Variants in TMEM245 observed in about 807,000 individuals in gnomAD.
TMEM245 encodes protein CG-2.
A neutral mutation model predicts 101.2 loss-of-function variants in TMEM245; 69 were observed. The observed-to-expected ratio is 0.68, with a 90% CI of 0.56 to 0.83. The LOEUF (loss-of-function observed/expected upper bound fraction) is 0.83, where lower values mean the gene tolerates loss of function less well. Among genes scored for constraint, TMEM245 ranks in the 40% least tolerant of loss-of-function variants. The pLI, the probability that TMEM245 is intolerant of heterozygous loss-of-function variation, is 0.00. For synonymous variants in TMEM245, 537 were observed against 449.8 expected, an observed-to-expected ratio of 1.19 and a Z score of -2.45; for missense variants, 1,075 against 1,092.8, an observed-to-expected ratio of 0.98 and a Z score of 0.23.
Position 109,015,299 on chromosome 9 carries a change from T to C in TMEM245, c.*5161A>G, listed in dbSNP as rs557740405. 6.6e-6 allele frequency: 1 copy of C among 152,342 alleles called. No individual in the cohort carries two copies. The highest frequency in any genetic ancestry group is 6.5e-5 in the Admixed American group (1 of 15,306). The allele number at this position is 152,342 out of a possible 1,614,324, so 9.4% of individuals were successfully genotyped here. Reference sequence around the variant, plus strand: ...TTTATTGTATTCGAATATTCTTTTTTACTTTTGAATTGCCTCCTTCACCTG... The same window carrying C: ...TTTATTGTATTCGAATATTCTTTTTCACTTTTGAATTGCCTCCTTCACCTG... On this transcript the variant is annotated 3_prime_UTR_variant, in exon 18 of 18. Coordinates refer to ENST00000374586, the MANE Select transcript of TMEM245 (RefSeq NM_032012.4).
At chr9:109,042,205 ACT>A (rs1405495126) in intron 14 of TMEM245, among the ~76,000 whole-genome samples, 1 of 152,170 alleles carries the variant, frequency 6.6e-6, no homozygotes, top group African/African-American at 2.4e-5. Flanking sequence ...ATATAACTGT[ACT>A]TGGCATGTAG....
rs1247335686 is a variant in TMEM245 at position 109,019,179 on chromosome 9, C to A, written c.*1281G>T. On this transcript the variant is annotated 3_prime_UTR_variant, in exon 18 of 18. Coordinates refer to ENST00000374586, the MANE Select transcript of TMEM245 (RefSeq NM_032012.4). ...CCCTGTCATGTACTATAGGACAAGT[C>A]TTCATTCACAACAAATGGATAGCAA... The A allele has an allele frequency of 6.6e-6, 1 of 152,256 alleles. No homozygotes were observed. The highest frequency in any genetic ancestry group is 1.9e-4 in the East Asian group (1 of 5,176). The allele number at this position is 152,256 out of a possible 1,614,324, so 9.4% of individuals were successfully genotyped here.
intron 4 of TMEM245, 79 bp downstream of exon 4, chr9:109,093,396 T>C: frequency 8.5e-7 from 1 of 1,180,908 alleles, no homozygotes; most frequent in South Asian, 1.3e-5. Flanking sequence ...CATTTTGTGA[T>C]GCTGGTGTCC....
chr9:109,093,375 G>A, intron 4 of TMEM245, 100 bp downstream of exon 4: 1 of 918,070 alleles, frequency 1.1e-6, no homozygotes, highest in Non-Finnish European at 1.7e-6. Flanking sequence ...AGGATCAGCA[G>A]GAGTAAGTAG....
intron 5 of TMEM245, among the ~76,000 whole-genome samples, chr9:109,089,844 C>T (rs1829946977): frequency 6.6e-6 from 1 of 152,134 alleles, no homozygotes; most frequent in Non-Finnish European, 1.5e-5. Flanking sequence ...TATAGATATA[C>T]ATGTAATTTA....
Position 109,119,559 on chromosome 9 carries a change from TG to T in TMEM245, c.354del (p.Ile119SerfsTer85). The part of the protein sequence containing the change: ...WLQRLHRAHT[P>X]IVLAALLLPL... ...GGCAGGAGCAGCGCGGCCAGGACGA[TG>T]GGCGTGTGCGCGCGGTGCAGGCGCT... On this transcript the variant is annotated frameshift_variant, in exon 1 of 18. Transcript: ENST00000374586. LOFTEE classifies it high-confidence loss of function. 1.3e-6 allele frequency: 2 copies of T among 1,538,098 alleles called. No individual in the cohort carries two copies. The highest frequency in any genetic ancestry group is 1.7e-6 in the Non-Finnish European group (2 of 1,147,102).
intron 3 of TMEM245, among the ~76,000 whole-genome samples, chr9:109,100,149 T>C (rs1830246616): frequency 6.6e-6 from 1 of 152,156 alleles, no homozygotes; most frequent in Non-Finnish European, 1.5e-5. Context: ...GGTCATGTAG[T>C]TGTGTTAAGT....
At chr9:109,116,188 T>C (rs895106170) in intron 1 of TMEM245, among the ~76,000 whole-genome samples, 1 of 152,224 alleles carries the variant, frequency 6.6e-6, no homozygotes, top group African/African-American at 2.4e-5. Context: ...TCATCTATAC[T>C]GCTCTTCAGC....
chr9:109,091,791 G>A (rs1020454032), intron 4 of TMEM245, among the ~76,000 whole-genome samples: 1 of 151,778 alleles, frequency 6.6e-6, no homozygotes, highest in Non-Finnish European at 1.5e-5. Context: ...TTTACTATAG[G>A]GTGCTATTAT....
intron 14 of TMEM245, 52 bp from the exon 15 acceptor site, chr9:109,038,169 G>T: frequency 7.0e-7 from 1 of 1,437,028 alleles, no homozygotes; most frequent in Non-Finnish European, 9.5e-7. Flanking sequence ...GTCATATCGT[G>T]ATTCAGAAAA....
chr9:109,017,402 G>T lies in TMEM245; in HGVS notation c.*3058C>A, dbSNP rs1370799157. 2.0e-5 allele frequency: 3 copies of T among 152,164 alleles called. No individual in the cohort carries two copies. The highest frequency in any genetic ancestry group is 6.5e-5 in the Admixed American group (1 of 15,270). 9.4% of individuals were successfully genotyped at this position (152,164 alleles called of 1,614,324 possible). A position where few individuals can be genotyped will look rare whatever the true frequency, so the allele number is the denominator to read the frequency against. ...ATAACTAAGACCAGCATGTAAGGTGGTCTTACAGAGATCACTTGCAGGAAC... is the reference window on the plus strand; with the variant it reads ...ATAACTAAGACCAGCATGTAAGGTGTTCTTACAGAGATCACTTGCAGGAAC... On this transcript the variant is annotated 3_prime_UTR_variant, in exon 18 of 18. Transcript: ENST00000374586.
intron 7 of TMEM245, among the ~76,000 whole-genome samples, chr9:109,083,161 A>G (rs1829717611): frequency 6.6e-6 from 1 of 152,162 alleles, no homozygotes. Flanking sequence ...TAAGGACGAA[A>G]AGAGGAAAAA....
At chr9:109,098,850 T>A (rs1830209841) in intron 3 of TMEM245, among the ~76,000 whole-genome samples, 1 of 152,148 alleles carries the variant, frequency 6.6e-6, no homozygotes, top group Admixed American at 6.5e-5. Flanking sequence ...GCTACTGACA[T>A]TAGCAGCCTA....
At position 109,084,036 on chromosome 9, in the gene TMEM245, G is replaced by A. The variant is rs563554573; in HGVS notation, c.1344+1961C>T. 3.4e-5 allele frequency among the ~76,000 whole-genome samples: 5 copies of A among 148,760 alleles called. No individual in the cohort carries two copies. In the South Asian group the frequency reaches 8.5e-4, roughly 25 times the overall value. The stretch of plus-strand genomic sequence containing the variant: ...AGGTTGTGTAGTGAGTCAAGATCAC[G>A]TCGCTGCACTCCAGCCTGGGTGACA... On this transcript the variant is annotated intron_variant, in intron 7 of 17. Coordinates refer to ENST00000374586, the MANE Select transcript of TMEM245 (RefSeq NM_032012.4).
At chr9:109,076,635 TATTTGGAC>T (rs921300459) in intron 8 of TMEM245, among the ~76,000 whole-genome samples, 2 of 152,238 alleles carry the variant, frequency 1.3e-5, no homozygotes, top group African/African-American at 4.8e-5. Context: ...AATTTCTAAA[TATTTGGAC>T]ATTCCCTAAA....
In TMEM245 at chr9:109,079,923, T is replaced by C. The variant is rs1039375701; in HGVS notation, c.1449+916A>G. Among the ~76,000 whole-genome samples the C allele has an allele frequency of 5.3e-5, 8 of 152,146 alleles. No homozygotes were observed. In the South Asian group the frequency reaches 8.3e-4, roughly 16 times the overall value. On this transcript the variant is annotated intron_variant, in intron 8 of 17. Transcript: ENST00000374586. ...ACATAATTAATATCCAAAGAACAGA[T>C]AGGAACTATACAAAGACTGAAACAG...
intron 5 of TMEM245, among the ~76,000 whole-genome samples, chr9:109,089,649 A>G (rs1182527627): frequency 6.6e-6 from 1 of 152,184 alleles, no homozygotes; most frequent in African/African-American, 2.4e-5. Context: ...TAGGTAAAAG[A>G]TGTTTCTACA....
intron 1 of TMEM245, among the ~76,000 whole-genome samples, chr9:109,115,073 G>A (rs753959027): frequency 1.6e-4 from 24 of 152,172 alleles, no homozygotes; most frequent in Non-Finnish European, 5.9e-5. Context: ...CAGGCCAGGC[G>A]CAGTAGCTCA....
In TMEM245 at chr9:109,109,914, A is replaced by T. The variant is rs563518309; in HGVS notation, c.580-1344T>A. ...ATCTACTATATGGTGGGAGGAAAAG[A>T]AAATGTACTAAGAAGTTAGTGGCTG... On this transcript the variant is annotated intron_variant, in intron 1 of 17. Coordinates refer to ENST00000374586, the MANE Select transcript of TMEM245 (RefSeq NM_032012.4). Among the ~76,000 whole-genome samples, 20 of 152,338 alleles carry T rather than the reference A, an allele frequency of 1.3e-4. No homozygotes were observed. In the South Asian group the frequency reaches 4.1e-3, roughly 32 times the overall value.
Sources: gnomAD v4.1 joint callset for allele counts (sites outside exome capture counted in the v4.1 genomes callset) on GRCh38, gnomAD v4.1.1 for gene constraint, MANE v1.5 for transcripts, NCBI Gene and HGNC (gene_info 2026-07-23, HGNC 2026-07-21) for gene names.